PTPRO: variants seen among roughly 807,000 people sequenced by gnomAD.
PTPRO encodes the protein receptor-type tyrosine-protein phosphatase O.
A neutral mutation model predicts 145.2 loss-of-function variants in PTPRO; 62 were observed. The ratio of observed to expected loss-of-function variants is 0.43; its 90% CI spans 0.35 to 0.53. The LOEUF (loss-of-function observed/expected upper bound fraction) is 0.53. Ranked by LOEUF, PTPRO falls within the 20% of genes least tolerant of loss-of-function variation. The pLI is 0.01. For missense variants in PTPRO, 1,345 were observed against 1,482.7 expected, an observed-to-expected ratio of 0.91 and a Z score of 1.53; for synonymous variants, 565 against 514.7, an observed-to-expected ratio of 1.10 and a Z score of -1.32.
At chr12:15,536,795 A>G (rs182216677) in intron 12 of PTPRO, among the ~76,000 whole-genome samples, 108 of 152,322 alleles carry the variant, frequency 7.1e-4, no homozygotes, top group Non-Finnish European at 6.9e-4. Flanking sequence ...GATTTGGGGC[A>G]AGGCTTTTCT....
At chr12:15,557,103 C>T (rs746573711) in intron 15 of PTPRO, among the ~76,000 whole-genome samples, 6 of 150,864 alleles carry the variant, frequency 4.0e-5, no homozygotes, top group African/African-American at 7.3e-5. Context: ...TGCGGTGGCG[C>T]GATCTCTGCT....
chr12:15,481,267 G>A (rs1332356413), intron 1 of PTPRO, among the ~76,000 whole-genome samples: 1 of 152,150 alleles, frequency 6.6e-6, no homozygotes, highest in African/African-American at 2.4e-5. Context: ...ATTGCTCAAT[G>A]TTAGAAACCT....
intron 1 of PTPRO, among the ~76,000 whole-genome samples, chr12:15,330,110 A>G (rs191295862): frequency 5.9e-5 from 9 of 152,344 alleles, no homozygotes; most frequent in African/African-American, 2.2e-4. Context: ...GGGTTTAATC[A>G]AGGCATTAGT....
At chr12:15,444,935 T>C (rs964984721) in intron 1 of PTPRO, among the ~76,000 whole-genome samples, 3 of 152,166 alleles carry the variant, frequency 2.0e-5, no homozygotes, top group African/African-American at 7.2e-5. Context: ...TGAATAGTAA[T>C]GACTAAAAAA....
rs373637111 is a variant in PTPRO, at chr12:15,473,754, G to A, written c.76-10220G>A. Reference sequence around the variant, plus strand: ...TGTGCTCCAGCCTGGGCAACAGAGTGAGAGACTCCATCTCAAAAAAAAAAA... The same window carrying A: ...TGTGCTCCAGCCTGGGCAACAGAGTAAGAGACTCCATCTCAAAAAAAAAAA... On this transcript the variant is annotated intron_variant, in intron 1 of 26. Transcript: ENST00000281171. Among the ~76,000 whole-genome samples the A allele has an allele frequency of 3.1e-3, 356 of 114,912 alleles. 2 individuals carry two copies. The highest frequency in any genetic ancestry group is 0.012 in the African/African-American group (346 of 28,566). The allele number at this position is 114,912 out of a possible 152,430, so 75.4% of individuals were successfully genotyped here.
chr12:15,378,173 T>TAA (rs146460899), intron 1 of PTPRO, among the ~76,000 whole-genome samples: 2 of 151,442 alleles, frequency 1.3e-5, no homozygotes, highest in African/African-American at 4.9e-5. Flanking sequence ...AAATGGAGAA[T>TAA]TAAAAAAACA....
chr12:15,391,550 G>A (rs1939189023), intron 1 of PTPRO, among the ~76,000 whole-genome samples: 1 of 152,082 alleles, frequency 6.6e-6, no homozygotes, highest in Non-Finnish European at 1.5e-5. Flanking sequence ...CATGAACACT[G>A]CGATTCCACA....
intron 24 of PTPRO, 93 bp downstream of exon 24, chr12:15,587,144 T>TTGAAAATTAAATAAACTCTGA: frequency 1.4e-6 from 2 of 1,396,592 alleles, no homozygotes; most frequent in Non-Finnish European, 2.0e-6. Flanking sequence ...TCAGGTTTAG[T>TTGAAAATTAAATAAACTCTGA]TGAAAATTAA....
intron 23 of PTPRO, among the ~76,000 whole-genome samples, chr12:15,582,890 G>A (rs182479792): frequency 6.6e-6 from 1 of 152,260 alleles, no homozygotes; most frequent in East Asian, 1.9e-4. Flanking sequence ...ACAAGTCTCT[G>A]AGCAAACGCT....
intron 1 of PTPRO, among the ~76,000 whole-genome samples, chr12:15,330,033 G>A (rs894302860): frequency 6.6e-6 from 1 of 152,204 alleles, no homozygotes; most frequent in Non-Finnish European, 1.5e-5. Flanking sequence ...CCAGATCAGG[G>A]AGACTTCTAC....
chr12:15,333,991 CT>C (rs1212453756), intron 1 of PTPRO, among the ~76,000 whole-genome samples: 1 of 152,030 alleles, frequency 6.6e-6, no homozygotes, highest in Non-Finnish European at 1.5e-5. Context: ...AAATGTAAAA[CT>C]TTGTTTTTAT....
intron 1 of PTPRO, among the ~76,000 whole-genome samples, chr12:15,357,731 AAAC>A (rs1159184882): frequency 6.6e-6 from 1 of 151,236 alleles, no homozygotes; most frequent in Non-Finnish European, 1.5e-5. Context: ...AAAAGTCAGG[AAAC>A]AACAGGTGCT....
intron 1 of PTPRO, among the ~76,000 whole-genome samples, chr12:15,381,357 C>T (rs1938856365): frequency 1.3e-5 from 2 of 152,242 alleles, no homozygotes; most frequent in South Asian, 4.1e-4. Context: ...ATGTCCTACT[C>T]AGAGCAATTT....
At position 15,519,340 on chromosome 12, in the gene PTPRO, G is replaced by T. The variant is rs140210693; in HGVS notation, c.1780-861G>T. ...CACGTGGGAATTCAAGATGAGATTT[G>T]GGTGGGGACACAGCCAAACCATATC... On this transcript the variant is annotated intron_variant, in intron 9 of 26. Transcript: ENST00000281171. 9.6e-3 allele frequency among the ~76,000 whole-genome samples: 1,461 copies of T among 152,268 alleles called. 15 individuals are homozygous for T. Among genetic ancestry groups the T allele is most frequent in the African/African-American group, 0.033 (1,389 of 41,560 alleles).
chr12:15,545,719 C>T (rs183419557), intron 12 of PTPRO, among the ~76,000 whole-genome samples: 1 of 152,112 alleles, frequency 6.6e-6, no homozygotes, highest in East Asian at 1.9e-4. Flanking sequence ...CAATCCCCTC[C>T]TATCAATTCT....
intron 1 of PTPRO, among the ~76,000 whole-genome samples, chr12:15,482,167 G>GTATA (rs370113633): frequency 9.2e-5 from 13 of 141,696 alleles, no homozygotes; most frequent in Non-Finnish European, 1.8e-4. Flanking sequence ...GTGTGTGTGT[G>GTATA]TATATATATA....
intron 1 of PTPRO, among the ~76,000 whole-genome samples, chr12:15,478,340 T>G (rs1239654856): frequency 6.6e-6 from 1 of 152,228 alleles, no homozygotes; most frequent in Non-Finnish European, 1.5e-5. Context: ...CAATTACTAA[T>G]AGAAGTCTAT....
chr12:15,571,166 C>T (rs1365166086), intron 19 of PTPRO, among the ~76,000 whole-genome samples: 3 of 152,212 alleles, frequency 2.0e-5, no homozygotes, highest in Non-Finnish European at 2.9e-5. Context: ...TTCTGCTTCT[C>T]TCTCTGTTTT....
chr12:15,422,489 A>G (rs1049418680), intron 1 of PTPRO, among the ~76,000 whole-genome samples: 1 of 152,206 alleles, frequency 6.6e-6, no homozygotes, highest in Non-Finnish European at 1.5e-5. Flanking sequence ...GTAGAACCCA[A>G]TAACTGCCAA....
Sources: gnomAD v4.1 joint callset for allele counts (sites outside exome capture counted in the v4.1 genomes callset) on GRCh38, gnomAD v4.1.1 for gene constraint, MANE v1.5 for transcripts, NCBI Gene and HGNC (gene_info 2026-07-23, HGNC 2026-07-21) for gene names.